Variants in HECW2 observed in about 807,000 individuals in gnomAD.
HECW2 encodes E3 ubiquitin-protein ligase HECW2.
Under a neutral mutation model 175.2 loss-of-function variants are expected in HECW2, and 61 were observed. That is an observed-to-expected ratio of 0.35 (90% confidence interval 0.28 to 0.43). HECW2 has a LOEUF of 0.43. Ranked by LOEUF, HECW2 falls within the 20% of genes least tolerant of loss-of-function variation. The pLI is 1.00. For missense variants in HECW2, 1,524 were observed against 2,000.5 expected (o/e 0.76, Z 4.54); for synonymous variants, 671 against 731.0 (o/e 0.92, Z 1.32).
intron 1 of HECW2, among the ~76,000 whole-genome samples, chr2:196,491,322 A>C (rs1183754599): frequency 6.6e-6 from 1 of 151,436 alleles, no homozygotes; most frequent in Non-Finnish European, 1.5e-5. Context: ...AGCCCTGCCA[A>C]CACGGTGAAA....
At chr2:196,355,559 A>C (rs1256092050) in intron 2 of HECW2, among the ~76,000 whole-genome samples, 1 of 152,236 alleles carries the variant, frequency 6.6e-6, no homozygotes, top group East Asian at 1.9e-4. Context: ...CCATTTGGAT[A>C]AACAGGCCAA....
At chr2:196,531,290 T>C (rs1336800645) in intron 1 of HECW2, among the ~76,000 whole-genome samples, 1 of 152,196 alleles carries the variant, frequency 6.6e-6, no homozygotes, top group Non-Finnish European at 1.5e-5. Context: ...TCTTGTTCGA[T>C]CTACTGTAAT....
intron 10 of HECW2, among the ~76,000 whole-genome samples, chr2:196,315,136 G>T (rs1691641640): frequency 7.6e-6 from 1 of 132,386 alleles, no homozygotes; most frequent in East Asian, 2.2e-4. Context: ...TGGTCCTACA[G>T]CACGAGTGTA....
intron 2 of HECW2, among the ~76,000 whole-genome samples, chr2:196,374,442 A>C (rs1385268098): frequency 2.0e-5 from 3 of 152,222 alleles, no homozygotes; most frequent in Non-Finnish European, 4.4e-5. Context: ...AGTGGTGTAC[A>C]ATGAACTTGC....
intron 2 of HECW2, among the ~76,000 whole-genome samples, chr2:196,375,916 A>C (rs750167024): frequency 9.9e-5 from 15 of 152,238 alleles, no homozygotes; most frequent in Non-Finnish European, 1.3e-4. Context: ...TATGTCTACT[A>C]TTCAAAGTAC....
chr2:196,377,298 T>C (rs771507423), intron 2 of HECW2, among the ~76,000 whole-genome samples: 2 of 152,244 alleles, frequency 1.3e-5, no homozygotes, highest in African/African-American at 2.4e-5. Flanking sequence ...ACAATTGTAT[T>C]CTTGATATAA....
chr2:196,420,184 G>A (rs1695371044), intron 2 of HECW2, among the ~76,000 whole-genome samples: 5 of 152,134 alleles, frequency 3.3e-5, no homozygotes, highest in Admixed American at 3.3e-4. Flanking sequence ...CTAAATCTGA[G>A]TTACAATACT....
intron 1 of HECW2, among the ~76,000 whole-genome samples, chr2:196,435,513 T>A (rs1695842825): frequency 6.6e-6 from 1 of 152,180 alleles, no homozygotes; most frequent in South Asian, 2.1e-4. Context: ...AAGAAAGAAA[T>A]AGGCCACAAC....
chr2:196,403,518 T>C (rs1238400648), intron 2 of HECW2, among the ~76,000 whole-genome samples: 1 of 152,254 alleles, frequency 6.6e-6, no homozygotes, highest in African/African-American at 2.4e-5. Flanking sequence ...ACATTTATAC[T>C]ATGCAGCTCA....
intron 1 of HECW2, among the ~76,000 whole-genome samples, chr2:196,556,571 G>A (rs1689801436): frequency 6.6e-6 from 1 of 152,086 alleles, no homozygotes. Context: ...TTAGCATCAT[G>A]TCCTTATTAA....
intron 2 of HECW2, among the ~76,000 whole-genome samples, chr2:196,393,348 A>G (rs999203171): frequency 2.0e-5 from 3 of 152,230 alleles, no homozygotes; most frequent in African/African-American, 7.2e-5. Context: ...AGAAACTACC[A>G]TCAGAGTGAA....
chr2:196,511,121 A>G (rs1687938760), intron 1 of HECW2, among the ~76,000 whole-genome samples: 1 of 152,200 alleles, frequency 6.6e-6, no homozygotes, highest in Admixed American at 6.5e-5. Context: ...GTGCACCAGC[A>G]CACCCAGCTA....
At chr2:196,416,332 G>C (rs1695256367) in intron 2 of HECW2, among the ~76,000 whole-genome samples, 1 of 151,910 alleles carries the variant, frequency 6.6e-6, no homozygotes, top group Non-Finnish European at 1.5e-5. Flanking sequence ...CACTAAAAAG[G>C]AAACATAAGA....
chr2:196,242,305 G>T, intron 19 of HECW2, 101 bp from the exon 20 acceptor site: 1 of 1,447,594 alleles, frequency 6.9e-7, no homozygotes, highest in East Asian at 2.3e-5. Flanking sequence ...CAAGTCAAAT[G>T]AGGCAACTGT....
intron 23 of HECW2, among the ~76,000 whole-genome samples, chr2:196,223,727 T>A (rs1210968353): frequency 6.6e-6 from 1 of 152,138 alleles, no homozygotes; most frequent in African/African-American, 2.4e-5. Context: ...TGTGAAGGAT[T>A]ATTTAAAATG....
chr2:196,365,033 C>T (rs1693707168), intron 2 of HECW2, among the ~76,000 whole-genome samples: 1 of 152,180 alleles, frequency 6.6e-6, no homozygotes, highest in Non-Finnish European at 1.5e-5. Context: ...TCAGATCTCC[C>T]ACTGCAAGCC....
intron 5 of HECW2, among the ~76,000 whole-genome samples, chr2:196,328,630 C>G (rs138923669): frequency 2.8e-4 from 43 of 151,760 alleles, no homozygotes; most frequent in Middle Eastern, 3.4e-3. Context: ...TTGTTTTTTG[C>G]AATCAAGAAA....
At chr2:196,386,656 T>G (rs559150000) in intron 2 of HECW2, among the ~76,000 whole-genome samples, 4 of 152,304 alleles carry the variant, frequency 2.6e-5, no homozygotes, top group Non-Finnish European at 5.9e-5. Flanking sequence ...AATGAAGGCC[T>G]CAGGGACAAG....
intron 20 of HECW2, 87 bp downstream of exon 20, chr2:196,241,997 C>T: frequency 2.3e-6 from 3 of 1,298,290 alleles, no homozygotes; most frequent in South Asian, 2.6e-5. Context: ...CTAGTCATCC[C>T]AAATCACAAT....
Sources: gnomAD v4.1 joint callset for allele counts (sites outside exome capture counted in the v4.1 genomes callset) on GRCh38, gnomAD v4.1.1 for gene constraint, MANE v1.5 for transcripts, NCBI Gene and HGNC (gene_info 2026-07-23, HGNC 2026-07-21) for gene names.